The following PCDHA6 variants were observed in gnomAD, a reference collection of about 807,000 sequenced individuals.
The protein encoded by PCDHA6 is protocadherin alpha-6.
PCDHA6 carries 55 observed loss-of-function variants against 60.3 expected under a neutral mutation model. The ratio of observed to expected loss-of-function variants is 0.91; its 90% CI spans 0.73 to 1.14. The LOEUF (loss-of-function observed/expected upper bound fraction) is 1.14. Among genes scored for constraint, PCDHA6 ranks in the 50% most tolerant of loss-of-function variants. The pLI, the probability that PCDHA6 is intolerant of heterozygous loss-of-function variation, is 0.00. For missense variants in PCDHA6, 1,327 were observed against 1,256.5 expected (o/e 1.06, Z -0.85); for synonymous variants, 652 against 557.9 (o/e 1.17, Z -2.38).
intron 1 of PCDHA6, chr5:140,862,524 C>T: frequency 4.8e-6 from 2 of 417,532 alleles, no homozygotes; most frequent in Middle Eastern, 9.1e-4. Context: ...TTGTTGGCCA[C>T]AGCCATCGGG....
chr5:141,008,642 T>C (rs1554261860), intron 3 of PCDHA6, among the ~76,000 whole-genome samples: 1 of 152,212 alleles, frequency 6.6e-6, no homozygotes, highest in Non-Finnish European at 1.5e-5. Flanking sequence ...AACAATTTCT[T>C]CTTCTGGAGT....
At chr5:140,943,112 G>A (rs1250060246) in intron 1 of PCDHA6, among the ~76,000 whole-genome samples, 1 of 151,850 alleles carries the variant, frequency 6.6e-6, no homozygotes, top group African/African-American at 2.4e-5. Flanking sequence ...ACAAAAATTA[G>A]CCAGGTGTGG....
chr5:140,994,460 T>C (rs1260062613), intron 3 of PCDHA6, among the ~76,000 whole-genome samples: 1 of 152,124 alleles, frequency 6.6e-6, no homozygotes, highest in African/African-American at 2.4e-5. Context: ...CCCAGCACTT[T>C]GGGAGGCTGA....
chr5:140,857,209 T>C (rs2044423092), intron 1 of PCDHA6: 1 of 1,598,580 alleles, frequency 6.3e-7, no homozygotes, highest in South Asian at 1.1e-5. Flanking sequence ...TCACCTGCTC[T>C]CTGACGCCTC....
In PCDHA6 at chr5:140,855,796, A is replaced by G. The variant is rs140328724; in HGVS notation, c.2394+25311A>G. 580 of 464,912 alleles carry G rather than the reference A, an allele frequency of 1.2e-3. 24 individuals carry two copies. The highest frequency in any genetic ancestry group is 0.011 in the African/African-American group (538 of 50,868). 28.8% of individuals were successfully genotyped at this position (464,912 alleles called of 1,614,324 possible). On this transcript the variant is annotated intron_variant, in intron 1 of 3. Transcript: ENST00000529310. ...AAATACGTAAAAAAAGAATTAACAT[A>G]TGAATGAAAGAAAAGTTGTGAACTC...
intron 1 of PCDHA6, among the ~76,000 whole-genome samples, chr5:140,918,864 A>T (rs1225688566): frequency 6.6e-6 from 1 of 152,180 alleles, no homozygotes; most frequent in Non-Finnish European, 1.5e-5. Flanking sequence ...TGAATCATGA[A>T]CTTTCAAGCC....
At chr5:140,856,660 T>A in intron 1 of PCDHA6, 1 of 1,597,974 alleles carries the variant, frequency 6.3e-7, no homozygotes, top group South Asian at 1.1e-5. Flanking sequence ...GTGAAGAAAA[T>A]CCTCAGCTAA....
At chr5:140,850,138 A>T in intron 1 of PCDHA6, 1 of 1,595,694 alleles carries the variant, frequency 6.3e-7, no homozygotes, top group Non-Finnish European at 8.6e-7. Context: ...CTGGGCAGCA[A>T]CGTGACGCTG....
rs782362312 is a variant in PCDHA6 at position 140,884,131 on chromosome 5, G to T, written c.2394+53646G>T. 4 of 1,613,396 alleles carry T rather than the reference G, an allele frequency of 2.5e-6. No individual in the cohort carries two copies. In the South Asian group the frequency reaches 3.3e-5, roughly 13 times the overall value. On this transcript the variant is annotated intron_variant, in intron 1 of 3. Coordinates refer to ENST00000529310, the MANE Select transcript of PCDHA6 (RefSeq NM_018909.4). ...TGGCGGCGGTCGGCGCGCGCATCCCGTTCCGCGTGGGGCTGTACACTGGCG... is the reference window on the plus strand; with the variant it reads ...TGGCGGCGGTCGGCGCGCGCATCCCTTTCCGCGTGGGGCTGTACACTGGCG...
chr5:140,941,185 C>CT (rs782102770), intron 1 of PCDHA6, among the ~76,000 whole-genome samples: 18 of 102,242 alleles, frequency 1.8e-4, no homozygotes, highest in East Asian at 3.7e-4. Flanking sequence ...CATCCTGCTT[C>CT]TTTTTTTTTC....
intron 1 of PCDHA6, among the ~76,000 whole-genome samples, chr5:140,964,550 C>T (rs13359943): frequency 0.012 from 1,826 of 152,168 alleles, 28 homozygotes; most frequent in African/African-American, 0.042. Flanking sequence ...ATGGCAGCGA[C>T]TTGGAGGGCT....
At chr5:140,862,753 A>C (rs2047525211) in intron 1 of PCDHA6, 1 of 577,638 alleles carries the variant, frequency 1.7e-6, no homozygotes, top group Non-Finnish European at 3.3e-6. Context: ...GCACGCGGAG[A>C]GCGGCAAGAG....
chr5:140,883,625 C>G (rs1446947181), intron 1 of PCDHA6: 9 of 1,613,872 alleles, frequency 5.6e-6, no homozygotes, highest in Non-Finnish European at 6.8e-6. Context: ...CGACAACGCG[C>G]CGGCGTTCGC....
chr5:140,931,683 A>G (rs1482331530), intron 1 of PCDHA6, among the ~76,000 whole-genome samples: 2 of 151,950 alleles, frequency 1.3e-5, no homozygotes, highest in African/African-American at 4.8e-5. Flanking sequence ...AAATAAATGA[A>G]TTGTGATTCA....
chr5:140,870,168 C>A, intron 1 of PCDHA6: 1 of 1,614,108 alleles, frequency 6.2e-7, no homozygotes, highest in Admixed American at 1.7e-5. Context: ...CTTCCTTGTC[C>A]CTCCCAGTAC....
At chr5:140,836,494 T>A in intron 1 of PCDHA6, 4 of 1,613,852 alleles carry the variant, frequency 2.5e-6, no homozygotes, top group Non-Finnish European at 3.4e-6. Context: ...ATCATCGCCA[T>A]CTGCGCGGTG....
chr5:140,870,936 G>A (rs1554164882), intron 1 of PCDHA6: 5 of 1,613,820 alleles, frequency 3.1e-6, no homozygotes, highest in South Asian at 1.1e-5. Flanking sequence ...ATGAATTGCA[G>A]CCGGCGGCGG....
At position 140,853,383 on chromosome 5, in the gene PCDHA6, A is replaced by T. The variant is rs2150531366; in HGVS notation, c.2394+22898A>T. ...GGATCCAGAGATGGTAAAATTCAAAACAGCCTGTCAAGTTCAAAACAGAGA... is the reference window on the plus strand; with the variant it reads ...GGATCCAGAGATGGTAAAATTCAAATCAGCCTGTCAAGTTCAAAACAGAGA... On this transcript the variant is annotated intron_variant, in intron 1 of 3. Transcript: ENST00000529310. 4 of 985,712 alleles carry T rather than the reference A, an allele frequency of 4.1e-6. No homozygotes were observed. In the Admixed American group the frequency reaches 1.9e-4, roughly 47 times the overall value. The allele number at this position is 985,712 out of a possible 1,614,324, so 61.1% of individuals were successfully genotyped here.
chr5:140,984,599 C>T (rs1415361733), intron 3 of PCDHA6, among the ~76,000 whole-genome samples: 1 of 152,162 alleles, frequency 6.6e-6, no homozygotes, highest in Non-Finnish European at 1.5e-5. Context: ...TCAATACATA[C>T]CTCTGCATCA....
Sources: gnomAD v4.1 joint callset for allele counts (sites outside exome capture counted in the v4.1 genomes callset) on GRCh38, gnomAD v4.1.1 for gene constraint, MANE v1.5 for transcripts, NCBI Gene and HGNC (gene_info 2026-07-23, HGNC 2026-07-21) for gene names.